RBBP5: variants seen among roughly 807,000 people sequenced by gnomAD.
RBBP5 encodes retinoblastoma-binding protein 5.
In RBBP5, 5 loss-of-function variants were observed where a neutral mutation model predicts 72.2. The ratio of observed to expected loss-of-function variants is 0.07; its 90% CI spans 0.04 to 0.15. RBBP5 has a LOEUF of 0.15. Ranked by LOEUF, RBBP5 falls within the 10% of genes least tolerant of loss-of-function variation. The probability of loss-of-function intolerance (pLI) is 1.00; values close to 1 mark genes in which losing one functional copy is unlikely to be tolerated. For missense variants in RBBP5, 322 were observed against 652.2 expected, an observed-to-expected ratio of 0.49 and a Z score of 5.51; for synonymous variants, 209 against 237.2, an observed-to-expected ratio of 0.88 and a Z score of 1.09.
At chr1:205,098,936 T>A in intron 10 of RBBP5, 53 bp downstream of exon 10, 1 of 1,172,186 alleles carries the variant, frequency 8.5e-7, no homozygotes, top group African/African-American at 1.6e-5. Context: ...GAATATTAAG[T>A]AAAGCAATCA....
chr1:205,106,796 A>C (rs1275889823), intron 3 of RBBP5, among the ~76,000 whole-genome samples: 1 of 152,214 alleles, frequency 6.6e-6, no homozygotes, highest in Non-Finnish European at 1.5e-5. Flanking sequence ...CATCATAAAA[A>C]TGCTTCAACA....
intron 3 of RBBP5, among the ~76,000 whole-genome samples, chr1:205,108,437 T>C (rs1246289581): frequency 1.3e-5 from 2 of 152,130 alleles, no homozygotes; most frequent in Non-Finnish European, 2.9e-5. Flanking sequence ...TGTTCACCAA[T>C]ACAACTTATC....
rs1352864830 is a variant in RBBP5, at chr1:205,099,450, G to C, written c.978+291C>G. On this transcript the variant is annotated intron_variant, in intron 9 of 13. Transcript: ENST00000264515. This position sits in a 1 kb window ranked among gnomAD's most constrained non-coding sequence, Gnocchi z 4.7. ...AAAATTAAGATGTAAAACAGAAACTGAGCTGAAAGTAAGAAAAGCAAAAGA... is the reference window on the plus strand; with the variant it reads ...AAAATTAAGATGTAAAACAGAAACTCAGCTGAAAGTAAGAAAAGCAAAAGA... Among the ~76,000 whole-genome samples the C allele has an allele frequency of 6.6e-6, 1 of 152,062 alleles. No individual in the cohort carries two copies. Among genetic ancestry groups the C allele is most frequent in the Non-Finnish European group, 1.5e-5 (1 of 68,000 alleles).
At chr1:205,095,788 A>G (rs1008367959) in intron 12 of RBBP5, among the ~76,000 whole-genome samples, 1 of 152,204 alleles carries the variant, frequency 6.6e-6, no homozygotes, top group African/African-American at 2.4e-5. Flanking sequence ...GGTTGATGTA[A>G]AAGTCAGCAA....
chr1:205,103,705 T>C, intron 5 of RBBP5, 152 bp downstream of exon 5: 1 of 902,504 alleles, frequency 1.1e-6, no homozygotes, highest in Non-Finnish European at 1.6e-6. Context: ...CAAAAATTAT[T>C]ATTAAGAGAT....
chr1:205,102,719 C>G (rs1292343944), intron 5 of RBBP5, among the ~76,000 whole-genome samples: 3 of 152,108 alleles, frequency 2.0e-5, no homozygotes, highest in African/African-American at 7.2e-5. Flanking sequence ...CTAGGCCAGG[C>G]GCGGTGGTTC....
At chr1:205,107,683 C>T (rs536520088) in intron 3 of RBBP5, among the ~76,000 whole-genome samples, 4 of 152,284 alleles carry the variant, frequency 2.6e-5, no homozygotes, top group East Asian at 3.9e-4. Flanking sequence ...CGGTGGCTCA[C>T]GCCTATAATC....
intron 3 of RBBP5, among the ~76,000 whole-genome samples, chr1:205,107,458 T>C (rs545414423): frequency 6.6e-6 from 1 of 151,346 alleles, no homozygotes; most frequent in South Asian, 2.1e-4. Flanking sequence ...CAGAAGGAAG[T>C]GGCACATTTT....
At chr1:205,116,231 T>C (rs1264964982) in intron 1 of RBBP5, 5 of 396,336 alleles carry the variant, frequency 1.3e-5, no homozygotes, top group African/African-American at 2.1e-5. Context: ...CTAAATACTT[T>C]GTTTTTGAAA....
intron 3 of RBBP5, among the ~76,000 whole-genome samples, chr1:205,111,412 AT>A (rs1436161331): frequency 6.6e-6 from 1 of 152,214 alleles, no homozygotes; most frequent in African/African-American, 2.4e-5. Flanking sequence ...TAACACAAAT[AT>A]TTGCAATAAA....
At chr1:205,100,971 G>A (rs768429985) in intron 6 of RBBP5, among the ~76,000 whole-genome samples, 14 of 152,132 alleles carry the variant, frequency 9.2e-5, no homozygotes, top group Non-Finnish European at 1.3e-4. Flanking sequence ...AATAGGGTCC[G>A]TGCTCCTATG....
chr1:205,092,086 C>T (rs78644895), intron 13 of RBBP5: 2 of 152,220 alleles, frequency 1.3e-5, no homozygotes, highest in African/African-American at 4.8e-5. Flanking sequence ...TGGATAAAGC[C>T]CTACCCTCAC....
Position 205,102,498 on chromosome 1 carries a change from G to A in RBBP5, c.523-789C>T, listed in dbSNP as rs149137494. Among the ~76,000 whole-genome samples the A allele has an allele frequency of 1.1e-3, 164 of 152,204 alleles. 1 individual carries two copies. Among genetic ancestry groups the A allele is most frequent in the African/African-American group, 3.7e-3 (155 of 41,530 alleles). On this transcript the variant is annotated intron_variant, in intron 5 of 13. Transcript: ENST00000264515. Reference sequence around the variant, plus strand: ...GAGAAGGTCAAAGGGTGTTTCTAGGGGCTGGCGGAGAGCAGGGAATGGGAA... The same window carrying A: ...GAGAAGGTCAAAGGGTGTTTCTAGGAGCTGGCGGAGAGCAGGGAATGGGAA...
chr1:205,096,878 C>G lies in RBBP5; in HGVS notation c.1200G>C (p.Leu400Phe), dbSNP rs752720901. ...CTACCTCAGGGGCAATGGGTAAATA[C>G]AATAGAGCCTTTGAATCTTCCAGCT... ...DEELEDSKAL[L>F]YLPIAPEVED... The change falls in exon 12 of 14, where the codon TTG (leucine) becomes TTC (phenylalanine). Residue 400 changes from leucine (L) to phenylalanine (F), a missense_variant. Physicochemically the swap from Leu to Phe is conservative, Grantham distance 22 (BLOSUM62 0). Around this residue, in one of 6 missense-constraint regions of RBBP5, gnomAD observed 30 missense variants for 82.1 expected, o/e 0.37. Transcript: ENST00000264515. 6.2e-7 allele frequency: 1 copy of G among 1,607,668 alleles called. No individual in the cohort carries two copies. Among genetic ancestry groups the G allele is most frequent in the Non-Finnish European group, 8.5e-7 (1 of 1,177,500 alleles).
chr1:205,099,898 C>T lies in RBBP5; in HGVS notation c.906+13G>A, dbSNP rs750950776. 1.2e-6 allele frequency: 2 copies of T among 1,613,910 alleles called. No homozygotes were observed. Among genetic ancestry groups the T allele is most frequent in the African/African-American group, 1.3e-5 (1 of 75,018 alleles). ...TTATGTGACTAACAAAAGCAATGTC[C>T]TAATGTACTCACAGCTACATCCAAG... On this transcript the variant is annotated intron_variant, in intron 8 of 13. Transcript: ENST00000264515. The surrounding 1 kb of genome is among the most constrained non-coding windows in gnomAD (Gnocchi z 4.7).
intron 4 of RBBP5, among the ~76,000 whole-genome samples, chr1:205,104,499 A>G (rs909687934): frequency 6.6e-6 from 1 of 151,506 alleles, no homozygotes; most frequent in African/African-American, 2.4e-5. Flanking sequence ...CTCCAGCTAG[A>G]GCGTCGCAGC....
At chr1:205,104,068 A>G in intron 4 of RBBP5, 49 bp from the exon 5 acceptor site, 2 of 1,574,202 alleles carry the variant, frequency 1.3e-6, no homozygotes, top group Non-Finnish European at 1.7e-6. Context: ...GGTATCAGCA[A>G]GCTGATTCCC....
intron 3 of RBBP5, among the ~76,000 whole-genome samples, chr1:205,108,213 A>G (rs1270041296): frequency 3.3e-5 from 5 of 151,788 alleles, no homozygotes; most frequent in Non-Finnish European, 7.4e-5. Flanking sequence ...ATTGCACTCC[A>G]GCCTGGGTGA....
chr1:205,112,222 G>C (rs1656344086), intron 3 of RBBP5, among the ~76,000 whole-genome samples: 1 of 152,074 alleles, frequency 6.6e-6, no homozygotes. Flanking sequence ...GGAGGTTGAG[G>C]CAGGAGAATT....
Sources: allele counts gnomAD v4.1 joint callset (sites outside exome capture counted in the v4.1 genomes callset), GRCh38; gene constraint gnomAD v4.1.1; regional missense constraint gnomAD v4.1.1; non-coding constraint Gnocchi (gnomAD v3.1); transcripts MANE v1.5; gene names NCBI Gene and HGNC (gene_info 2026-07-23, HGNC 2026-07-21).